The following NAV1 variants were observed in gnomAD, a reference collection of about 807,000 sequenced individuals.
The protein encoded by NAV1 is neuron navigator 1.
Under a neutral mutation model 175.2 loss-of-function variants are expected in NAV1, and 18 were observed. The ratio of observed to expected loss-of-function variants is 0.10; its 90% CI spans 0.07 to 0.15. NAV1 has a LOEUF of 0.15. Ranked by LOEUF, NAV1 falls within the 10% of genes least tolerant of loss-of-function variation. The probability of loss-of-function intolerance (pLI) is 1.00; values close to 1 mark genes in which losing one functional copy is unlikely to be tolerated. For missense variants in NAV1, 1,731 were observed against 2,436.6 expected, an observed-to-expected ratio of 0.71 and a Z score of 6.10; for synonymous variants, 897 against 978.7, an observed-to-expected ratio of 0.92 and a Z score of 1.56.
intron 1 of NAV1, among the ~76,000 whole-genome samples, chr1:201,669,524 A>T (rs1669953770): frequency 6.6e-6 from 1 of 152,252 alleles, no homozygotes; most frequent in Non-Finnish European, 1.5e-5. Flanking sequence ...AGGGCCTTGT[A>T]GATGAGGGTC....
At chr1:201,781,032 G>A in exon 5 of NAV1, 1 of 1,612,722 alleles carries the variant, frequency 6.2e-7, no homozygotes, top group Non-Finnish European at 8.5e-7. Context: ...ACTCAGAGAA[G>A]CGCTCACTGG....
At position 201,703,678 on chromosome 1, in the gene NAV1, T is replaced by C. The variant is rs1889944; in HGVS notation, c.758-9139T>C. ...TTTAAGCTCGTCTCCCCGGCCCAAG[T>C]TTGCTGCCAAAGGCTGCACTTTTGC... is the stretch of plus-strand genomic sequence containing the variant. On this transcript the variant is annotated intron_variant, in intron 1 of 29. Transcript: ENST00000367296. Among the ~76,000 whole-genome samples the C allele has an allele frequency of 4.4e-3, 667 of 152,368 alleles. 2 individuals carry two copies. The highest frequency in any genetic ancestry group is 7.4e-3 in the Non-Finnish European group (505 of 68,034).
chr1:201,755,035 C>A (rs1004770410), intron 3 of NAV1, among the ~76,000 whole-genome samples: 6 of 152,082 alleles, frequency 3.9e-5, no homozygotes, highest in Non-Finnish European at 7.4e-5. Flanking sequence ...GAAATTAGTG[C>A]CTTTAGACAT....
At chr1:201,559,293 A>G (rs1489568790) in intron 1 of NAV1, among the ~76,000 whole-genome samples, 1 of 152,170 alleles carries the variant, frequency 6.6e-6, no homozygotes, top group Admixed American at 6.5e-5. Flanking sequence ...TAGATGCTCA[A>G]TAAATGTTTC....
intron 2 of NAV1, among the ~76,000 whole-genome samples, chr1:201,630,380 G>T (rs998647344): frequency 6.6e-6 from 1 of 152,214 alleles, no homozygotes; most frequent in South Asian, 2.1e-4. Context: ...CAGAGGGCTT[G>T]TCTCCCAGCT....
intron 2 of NAV1, among the ~76,000 whole-genome samples, chr1:201,588,900 T>C (rs1018701741): frequency 1.3e-5 from 2 of 152,030 alleles, no homozygotes; most frequent in Non-Finnish European, 2.9e-5. Context: ...CAGGCTGGAG[T>C]GCAGTGGCAT....
intron 3 of NAV1, among the ~76,000 whole-genome samples, chr1:201,768,333 G>GAA (rs57027212): frequency 1.0e-3 from 108 of 105,666 alleles, no homozygotes; most frequent in African/African-American, 3.3e-3. Flanking sequence ...CCGTCTCAGA[G>GAA]AAAAAAAAAA....
exon 30 of NAV1, chr1:201,824,474 G>T (rs952211696): frequency 6.6e-6 from 1 of 152,110 alleles, no homozygotes; most frequent in African/African-American, 2.4e-5. Context: ...GGCCACCAGG[G>T]TGCATGGGTG....
intron 15 of NAV1, 96 bp downstream of exon 19, chr1:201,794,673 A>G: frequency 1.8e-6 from 2 of 1,112,048 alleles, no homozygotes; most frequent in South Asian, 1.3e-5. Flanking sequence ...CAAGTCCTAT[A>G]TCAAGTCTCT....
intron 3 of NAV1, among the ~76,000 whole-genome samples, chr1:201,747,739 A>G (rs1673860141): frequency 6.6e-6 from 1 of 152,218 alleles, no homozygotes; most frequent in African/African-American, 2.4e-5. Flanking sequence ...AGTTTTTGCC[A>G]CTTCTTCCCA....
At chr1:201,637,739 G>C (rs1416110138) in intron 2 of NAV1, among the ~76,000 whole-genome samples, 1 of 152,156 alleles carries the variant, frequency 6.6e-6, no homozygotes, top group African/African-American at 2.4e-5. Flanking sequence ...CACAGCCACA[G>C]GCACACACCC....
At chr1:201,570,995 G>A (rs1008207418) in intron 1 of NAV1, among the ~76,000 whole-genome samples, 18 of 152,220 alleles carry the variant, frequency 1.2e-4, no homozygotes, top group Admixed American at 3.9e-4. Flanking sequence ...CGCTGTGTCC[G>A]CATCCACCCC....
At chr1:201,820,915 C>T (rs1679343918) in exon 30 of NAV1, 1 of 147,912 alleles carries the variant, frequency 6.8e-6, no homozygotes, top group African/African-American at 2.5e-5. Flanking sequence ...AGTGGGTTTT[C>T]TTTGGAGAAT....
At chr1:201,630,035 G>T (rs1417264039) in intron 2 of NAV1, among the ~76,000 whole-genome samples, 1 of 152,158 alleles carries the variant, frequency 6.6e-6, no homozygotes, top group Non-Finnish European at 1.5e-5. Context: ...TTCAAATACA[G>T]CAATATTCAA....
At chr1:201,646,019 T>G (rs74136655), upstream of NAV1, among the ~76,000 whole-genome samples, 1,558 of 152,292 alleles carry the variant, frequency 0.01, 32 homozygotes, top group African/African-American at 0.036. Context: ...TCATGCTTAC[T>G]CAAAGATTTG....
intron 15 of NAV1, among the ~76,000 whole-genome samples, chr1:201,800,241 T>A (rs1202452722): frequency 6.6e-6 from 1 of 152,210 alleles, no homozygotes. Context: ...ACTCAAGCAA[T>A]CCACCCACCT....
intron 2 of NAV1, among the ~76,000 whole-genome samples, chr1:201,604,763 A>AAAGGAAAAG (rs1667628670): frequency 6.6e-6 from 1 of 151,520 alleles, no homozygotes; most frequent in Non-Finnish European, 1.5e-5. Context: ...AGAGAGAAAT[A>AAAGGAAAAG]AAGGAAAAGA....
intron 2 of NAV1, among the ~76,000 whole-genome samples, chr1:201,597,517 A>G (rs1414631093): frequency 2.0e-5 from 3 of 152,234 alleles, no homozygotes; most frequent in African/African-American, 7.2e-5. Context: ...CGCTGGTTAA[A>G]GCCTGAGAAG....
chr1:201,770,645 G>A (rs1280608504), intron 3 of NAV1, among the ~76,000 whole-genome samples: 1 of 152,138 alleles, frequency 6.6e-6, no homozygotes, highest in African/African-American at 2.4e-5. Flanking sequence ...TTCCTCCTAG[G>A]GTATGGCTAA....
Sources: allele counts gnomAD v4.1 joint callset (sites outside exome capture counted in the v4.1 genomes callset), GRCh38; gene constraint gnomAD v4.1.1; transcripts MANE v1.5; gene names NCBI Gene and HGNC (gene_info 2026-07-23, HGNC 2026-07-21).